Variants in NSMF observed in about 807,000 individuals in gnomAD.
NSMF encodes the protein nasal embryonic LHRH factor.
NSMF carries 31 observed loss-of-function variants against 71.0 expected under a neutral mutation model. The ratio of observed to expected loss-of-function variants is 0.44; its 90% CI spans 0.33 to 0.59. The LOEUF is 0.59. NSMF is among the 20% of genes least tolerant of loss of function. NSMF has a pLI of 0.04. For synonymous variants in NSMF, 345 were observed against 287.1 expected (o/e 1.20, Z -2.04); for missense variants, 673 against 740.5 (o/e 0.91, Z 1.06).
chr9:137,453,848 A>T lies in NSMF; in HGVS notation c.833-28T>A. ...GCAGAGAGCAAAACCCGCATTAGCG[A>T]GCGGGTGGGGCGGGGCCTCGGGAGT... On this transcript the variant is annotated intron_variant, in intron 7 of 15. Transcript: ENST00000371475. This position sits in a 1 kb window ranked among gnomAD's most constrained non-coding sequence, Gnocchi z 4.5. The T allele has an allele frequency of 4.5e-6, 7 of 1,554,792 alleles. No individual in the cohort carries two copies. Among genetic ancestry groups the T allele is most frequent in the Non-Finnish European group, 6.1e-6 (7 of 1,155,818 alleles).
Position 137,450,433 on chromosome 9 carries a change from TTTGATCTCCCCCCCACGCCTCTTCCCC to T in NSMF, c.1237-205_1237-179del, listed in dbSNP as rs1564258525. ...TCTCCCCCACCACACGCCTCTTCCC[TTTGATCTCCCCCCCACGCCTCTTCCCC>T]TTGATCTCCCCCACCACATGCCTCT... On this transcript the variant is annotated intron_variant, in intron 12 of 15. Coordinates refer to ENST00000371475, the MANE Select transcript of NSMF (RefSeq NM_001130969.3). Among the ~76,000 whole-genome samples, 127 of 48,614 alleles carry T rather than the reference TTTGATCTCCCCCCCACGCCTCTTCCCC, an allele frequency of 2.6e-3. 2 individuals carry two copies. Among genetic ancestry groups the T allele is most frequent in the Non-Finnish European group, 2.9e-3 (75 of 26,226 alleles). 31.9% of individuals were successfully genotyped at this position (48,614 alleles called of 152,430 possible). A position where few individuals can be genotyped will look rare whatever the true frequency, so the allele number is the denominator to read the frequency against.
At position 137,457,726 on chromosome 9, in the gene NSMF, G is replaced by A. The variant is rs1354222619; in HGVS notation, c.309C>T (p.Thr103=). 2 of 1,556,376 alleles carry A rather than the reference G, an allele frequency of 1.3e-6. No homozygotes were observed. The highest frequency in any genetic ancestry group is 1.9e-5 in the Admixed American group (1 of 51,392). Residue 103 remains threonine, a synonymous_variant, in exon 3 of 16, where the codon ACC becomes ACT. Coordinates refer to ENST00000371475, the MANE Select transcript of NSMF (RefSeq NM_001130969.3). ...GCAGCAGGGCAGGCTCCCCAGAGAT[G>A]GTGTACACTCGAGGCTGAGGGCCCT... ...AGEGPQPRVY[T]ISGEPALLPS...
In NSMF at chr9:137,450,157, A is replaced by G. The variant is rs535464432; in HGVS notation, c.1316+19T>C. ...TCTGCCTCCAGCCCTCCCCGCGCCC[A>G]GGGCACCCGGCTTCTCACTGAATCA... On this transcript the variant is annotated intron_variant, in intron 13 of 15. Transcript: ENST00000371475. The G allele has an allele frequency of 1.9e-6, 3 of 1,612,166 alleles. No homozygotes were observed. The highest frequency in any genetic ancestry group is 1.3e-5 in the African/African-American group (1 of 74,944).
At chr9:137,457,937 G>T (rs1231963696) in intron 2 of NSMF, 36 bp from the exon 3 acceptor site, 1 of 1,536,644 alleles carries the variant, frequency 6.5e-7, no homozygotes, top group South Asian at 1.2e-5. Context: ...CCTGCCGCGT[G>T]TGGGCCCCCC....
rs1313159391 is a variant in NSMF at position 137,453,226 on chromosome 9, C to T, written c.923-46G>A. ...CAGGACAGCAGGCCCGGCAGCACCT[C>T]CTATCCTGGCCATGGCCCCAAGGCC... On this transcript the variant is annotated intron_variant, in intron 8 of 15. Coordinates refer to ENST00000371475, the MANE Select transcript of NSMF (RefSeq NM_001130969.3). The surrounding 1 kb of genome is among the most constrained non-coding windows in gnomAD (Gnocchi z 4.5). 1.2e-6 allele frequency: 2 copies of T among 1,608,876 alleles called. No homozygotes were observed. Among genetic ancestry groups the T allele is most frequent in the Non-Finnish European group, 1.7e-6 (2 of 1,179,410 alleles).
In NSMF at chr9:137,453,808, C is replaced by G; in HGVS notation, c.845G>C (p.Arg282Pro). 8 of 1,593,318 alleles carry G rather than the reference C, an allele frequency of 5.0e-6. No homozygotes were observed. Among genetic ancestry groups the G allele is most frequent in the Non-Finnish European group, 6.8e-6 (8 of 1,176,284 alleles). ...RRVKAQTFAERRERSFSRSWS... is the reference protein window; with the variant it reads ...RRVKAQTFAEPRERSFSRSWS... ...GGACCGGCTGAAGCTCCGCTCGCGCCGCTCAGCGAACGCTGCAGAGAGCAA... is the reference window on the plus strand; with the variant it reads ...GGACCGGCTGAAGCTCCGCTCGCGCGGCTCAGCGAACGCTGCAGAGAGCAA... The change falls in exon 8 of 16, where the codon CGG becomes CCG. Residue 282 changes from arginine (R) to proline (P), a missense_variant. Physicochemically the swap from Arg to Pro is moderately radical, Grantham distance 103 (BLOSUM62 -2). Around this residue, in one of 2 missense-constraint regions of NSMF, gnomAD observed 471 missense variants for 459.6 expected, o/e 1.02. Coordinates refer to ENST00000371475, the MANE Select transcript of NSMF (RefSeq NM_001130969.3). This position sits in a 1 kb window ranked among gnomAD's most constrained non-coding sequence, Gnocchi z 4.5.
chr9:137,452,946 C>T lies in NSMF; in HGVS notation c.1047+110G>A. On this transcript the variant is annotated intron_variant, in intron 9 of 15. Transcript: ENST00000371475. The stretch of plus-strand genomic sequence containing the variant: ...GGGTATAGCCCTGTGAGACACCCTC[C>T]CCCAGGCAGCTGGAGAAGGCTGCGT... The T allele has an allele frequency of 3.2e-6, 5 of 1,573,050 alleles. No individual in the cohort carries two copies. In the South Asian group the frequency reaches 3.3e-5, roughly 11 times the overall value.
rs755837412 is a variant in NSMF at position 137,450,265 on chromosome 9, G to A, written c.1237-10C>T. 1.8e-5 allele frequency: 29 copies of A among 1,610,526 alleles called. No homozygotes were observed. In the Admixed American group the frequency reaches 4.8e-4, roughly 27 times the overall value. ...GGTGTCCAGGACCTCCCTGTAAGAA[G>A]CTGTGGTCAGGCATCTGCTCCTCCT... On this transcript the variant is annotated splice_polypyrimidine_tract_variant and intron_variant, in intron 12 of 15. Coordinates refer to ENST00000371475, the MANE Select transcript of NSMF (RefSeq NM_001130969.3).
chr9:137,452,515 C>G, intron 11 of NSMF, 38 bp downstream of exon 11: 1 of 1,612,534 alleles, frequency 6.2e-7, no homozygotes, highest in East Asian at 2.2e-5. Context: ...CCCTCCCAGG[C>G]CTGGAACCAG....
intron 4 of NSMF, 75 bp downstream of exon 4, chr9:137,456,336 G>C: frequency 8.1e-7 from 1 of 1,238,824 alleles, no homozygotes; most frequent in Non-Finnish European, 1.2e-6. Context: ...CCAGAGACTG[G>C]GAAAAAGTGC....
At position 137,452,796 on chromosome 9, in the gene NSMF, C is replaced by T. The variant is rs1457640683; in HGVS notation, c.1071G>A (p.Lys357=). ...KVMLISSKVP[K]AEYIPTIIRR... The stretch of plus-strand genomic sequence containing the variant: ...GGATGATAGTGGGGATGTACTCAGC[C>T]TTGGGCACCTTGGAGGAAATGAGCT... Residue 357 remains lysine, a synonymous_variant, in exon 10 of 16, where the codon AAG becomes AAA. Transcript: ENST00000371475. 1.2e-6 allele frequency: 2 copies of T among 1,604,146 alleles called. No homozygotes were observed. Among genetic ancestry groups the T allele is most frequent in the African/African-American group, 2.7e-5 (2 of 74,886 alleles).
At chr9:137,449,572 A>G (rs760335135) in intron 15 of NSMF, 27 bp downstream of exon 15, 1 of 1,611,512 alleles carries the variant, frequency 6.2e-7, no homozygotes. Flanking sequence ...GTGGCTGCAG[A>G]GCTTCGGCCC....
intron 12 of NSMF, among the ~76,000 whole-genome samples, chr9:137,452,057 A>G: frequency 3.0e-5 from 1 of 32,796 alleles, no homozygotes; most frequent in African/African-American, 1.5e-4. Flanking sequence ...GTCTTCCCCA[A>G]CCCCAGCCTC....
intron 5 of NSMF, 145 bp downstream of exon 5, chr9:137,455,484 T>C: frequency 8.5e-7 from 1 of 1,179,654 alleles, no homozygotes; most frequent in Non-Finnish European, 1.2e-6. Context: ...TGCTGCGACC[T>C]CGGTGCCCGC....
At chr9:137,454,089 G>A (rs1588503232) in intron 7 of NSMF, among the ~76,000 whole-genome samples, 1 of 118,284 alleles carries the variant, frequency 8.5e-6, no homozygotes, top group South Asian at 3.4e-4. Context: ...GCCTGGGCCG[G>A]GCTGGGGGCG....
intron 6 of NSMF, 42 bp from the exon 7 acceptor site, chr9:137,454,485 T>G: frequency 1.9e-6 from 3 of 1,549,482 alleles, no homozygotes. Context: ...CGTGAGAGGG[T>G]GACGGCAGCC....
rs1399362925 is a variant in NSMF, at chr9:137,453,305, A to G, written c.923-125T>C. On this transcript the variant is annotated intron_variant, in intron 8 of 15. Coordinates refer to ENST00000371475, the MANE Select transcript of NSMF (RefSeq NM_001130969.3). This position sits in a 1 kb window ranked among gnomAD's most constrained non-coding sequence, Gnocchi z 4.5. ...GGTCCTCCAAGCAAGTGGGAGGACC[A>G]TACAGAGGTCGCCGCCAGCCCGGCA... 4.3e-6 allele frequency: 6 copies of G among 1,402,114 alleles called. 1 individual carries two copies. In the South Asian group the frequency reaches 6.1e-5, roughly 14 times the overall value. The allele number at this position is 1,402,114 out of a possible 1,614,324, so 86.9% of individuals were successfully genotyped here.
rs576305260 is a variant in NSMF, at chr9:137,453,627, G to C, written c.922+104C>G. ...CAAACAGGTAAACCAAGATTCAGGA[G>C]TGCAAAAGCGCAGCCCAGCGGCCCT... On this transcript the variant is annotated intron_variant, in intron 8 of 15. Transcript: ENST00000371475. This position sits in a 1 kb window ranked among gnomAD's most constrained non-coding sequence, Gnocchi z 4.5. The C allele has an allele frequency of 1.5e-5, 12 of 819,378 alleles. No individual in the cohort carries two copies. In the African/African-American group the frequency reaches 1.9e-4, roughly 13 times the overall value. 50.8% of individuals were successfully genotyped at this position (819,378 alleles called of 1,614,324 possible).
chr9:137,455,710 C>G (rs976915548), intron 4 of NSMF, 76 bp from the exon 5 acceptor site: 22 of 1,491,064 alleles, frequency 1.5e-5, no homozygotes, highest in Non-Finnish European at 1.2e-5. Flanking sequence ...CCTCAGCCCC[C>G]ACCCGGTCCC....
Sources: allele counts gnomAD v4.1 joint callset (sites outside exome capture counted in the v4.1 genomes callset), GRCh38; gene constraint gnomAD v4.1.1; regional missense constraint gnomAD v4.1.1; non-coding constraint Gnocchi (gnomAD v3.1); transcripts MANE v1.5; gene names NCBI Gene and HGNC (gene_info 2026-07-23, HGNC 2026-07-21).